ADAMTS17: variants seen among roughly 807,000 people sequenced by gnomAD.
ADAMTS17 encodes A disintegrin and metalloproteinase with thrombospondin motifs 17.
A neutral mutation model predicts 141.5 loss-of-function variants in ADAMTS17; 113 were observed. The observed-to-expected ratio is 0.80, with a 90% confidence interval of 0.69 to 0.93. ADAMTS17 has a LOEUF of 0.93. ADAMTS17 is among the 40% of genes least tolerant of loss of function. ADAMTS17 has a pLI of 0.00. For missense variants in ADAMTS17, 1,659 were observed against 1,517.9 expected (o/e 1.09, Z -1.54); for synonymous variants, 768 against 630.6 (o/e 1.22, Z -3.27).
intron 13 of ADAMTS17, among the ~76,000 whole-genome samples, chr15:100,115,138 C>T (rs897751017): frequency 6.6e-6 from 1 of 152,130 alleles, no homozygotes; most frequent in Non-Finnish European, 1.5e-5. Context: ...GCTGAAGGTT[C>T]GGATTCAAGG....
rs769151781 is a variant in ADAMTS17 at position 100,048,953 on chromosome 15, T to C, written c.2495A>G (p.Asn832Ser). The change falls in exon 18 of 22, where the codon AAC becomes AGC. Residue 832 changes from asparagine to serine, a missense_variant. Asn to Ser is a conservative substitution (Grantham distance 46). Coordinates refer to ENST00000268070, the MANE Select transcript of ADAMTS17 (RefSeq NM_139057.4). ...RTIVSCTRIV[N>S]KTTTLVNDSD... Reference sequence around the variant, plus strand: ...GTCGTTCACCAGAGTTGTGGTCTTGTTGACAATCCGTGTACACGAGACGAT... The same window carrying C: ...GTCGTTCACCAGAGTTGTGGTCTTGCTGACAATCCGTGTACACGAGACGAT... 4.3e-6 allele frequency: 7 copies of C among 1,614,152 alleles called. No homozygotes were observed. Among genetic ancestry groups the C allele is most frequent in the Non-Finnish European group, 5.1e-6 (6 of 1,180,024 alleles).
At chr15:100,136,732 T>C (rs1485630043) in intron 10 of ADAMTS17, among the ~76,000 whole-genome samples, 1 of 152,218 alleles carries the variant, frequency 6.6e-6, no homozygotes, top group Non-Finnish European at 1.5e-5. Context: ...GGCATTTGAA[T>C]ATAAATTCAA....
At chr15:100,120,928 C>T (rs936891787) in intron 12 of ADAMTS17, among the ~76,000 whole-genome samples, 21 of 152,120 alleles carry the variant, frequency 1.4e-4, no homozygotes, top group African/African-American at 4.3e-4. Flanking sequence ...TACTTTAAAA[C>T]GACTGTCTTA....
chr15:100,243,347 T>G (rs1215513119), intron 7 of ADAMTS17, among the ~76,000 whole-genome samples: 1 of 152,340 alleles, frequency 6.6e-6, no homozygotes, highest in East Asian at 1.9e-4. Flanking sequence ...TATCAAGAAG[T>G]AGAGTTCCTG....
intron 8 of ADAMTS17, among the ~76,000 whole-genome samples, chr15:100,182,885 C>T (rs1324151222): frequency 2.6e-5 from 4 of 152,242 alleles, no homozygotes; most frequent in African/African-American, 9.6e-5. Flanking sequence ...CTTCTTGAAT[C>T]TGCAGGCATA....
Position 100,152,688 on chromosome 15 carries a change from G to A in ADAMTS17, c.1397C>T (p.Pro466Leu), listed in dbSNP as rs144488545. 57 of 1,614,208 alleles carry A rather than the reference G, an allele frequency of 3.5e-5. No homozygotes were observed. Among genetic ancestry groups the A allele is most frequent in the African/African-American group, 8.0e-5 (6 of 75,058 alleles). Residue 466 changes from proline (P) to leucine (L), a missense_variant, in exon 10 of 22, where the codon CCG becomes CTG. By Grantham distance (98) the Pro-to-Leu change is moderately conservative. Coordinates refer to ENST00000268070, the MANE Select transcript of ADAMTS17 (RefSeq NM_139057.4). ...QHTVRLPHKL[P>L]GMHYSANEQC... ...CTCGTTGGCACTGTAGTGCATGCCC[G>A]GCAGCTTGTGCGGGAGGCGTACTGT...
chr15:100,136,203 G>A (rs972136873), intron 10 of ADAMTS17, among the ~76,000 whole-genome samples: 6 of 152,200 alleles, frequency 3.9e-5, no homozygotes, highest in Non-Finnish European at 8.8e-5. Flanking sequence ...ACAGATGAAT[G>A]CTGGTATATT....
intron 8 of ADAMTS17, among the ~76,000 whole-genome samples, chr15:100,198,734 C>A (rs1056922308): frequency 6.6e-6 from 1 of 152,212 alleles, no homozygotes; most frequent in Non-Finnish European, 1.5e-5. Flanking sequence ...CACTCAACAA[C>A]CCCTCTGACG....
At chr15:100,065,899 G>A (rs1486483276) in intron 15 of ADAMTS17, among the ~76,000 whole-genome samples, 1 of 152,106 alleles carries the variant, frequency 6.6e-6, no homozygotes, top group African/African-American at 2.4e-5. Context: ...AGGCTGGGGG[G>A]TGTATGTGAT....
chr15:100,103,973 C>A (rs1488552508), intron 14 of ADAMTS17, among the ~76,000 whole-genome samples: 3 of 152,148 alleles, frequency 2.0e-5, no homozygotes, highest in Non-Finnish European at 4.4e-5. Context: ...AGGTCACAGG[C>A]CCTGAAGGTG....
At chr15:100,214,381 GTAT>G (rs1304798443) in intron 7 of ADAMTS17, among the ~76,000 whole-genome samples, 3 of 152,174 alleles carry the variant, frequency 2.0e-5, no homozygotes, top group Non-Finnish European at 2.9e-5. Context: ...GAATGAGCTT[GTAT>G]TATAACATTA....
At position 100,251,976 on chromosome 15, in the gene ADAMTS17, A is replaced by C. The variant is rs2043169842; in HGVS notation, c.1075+2160T>G. On this transcript the variant is annotated intron_variant, in intron 7 of 21. Transcript: ENST00000268070. ...CCAGCCTCCGGATCTGTGAGACAAC[A>C]CATTTCTGTTGTTAAAGCCACTCAG... is the stretch of plus-strand genomic sequence containing the variant. Among the ~76,000 whole-genome samples the C allele has an allele frequency of 3.3e-5, 5 of 152,270 alleles. No individual in the cohort carries two copies. In the South Asian group the frequency reaches 1.0e-3, roughly 32 times the overall value.
At chr15:100,101,988 C>T (rs1176768077) in intron 14 of ADAMTS17, among the ~76,000 whole-genome samples, 1 of 152,170 alleles carries the variant, frequency 6.6e-6, no homozygotes, top group African/African-American at 2.4e-5. Context: ...TGCCCATCTT[C>T]CTCTTTCTTG....
At chr15:100,281,183 G>C (rs747764605) in intron 4 of ADAMTS17, 46 bp downstream of exon 4, 1 of 1,598,220 alleles carries the variant, frequency 6.3e-7, no homozygotes, top group African/African-American at 1.3e-5. Flanking sequence ...CTCTCATCAA[G>C]GAGAAAACAG....
chr15:100,285,095 G>A (rs1305432293), intron 3 of ADAMTS17, among the ~76,000 whole-genome samples: 1 of 152,228 alleles, frequency 6.6e-6, no homozygotes, highest in Non-Finnish European at 1.5e-5. Flanking sequence ...CCTTGCTGGA[G>A]GTGGTACTGA....
At chr15:100,110,603 T>C (rs1023804287) in intron 13 of ADAMTS17, among the ~76,000 whole-genome samples, 3 of 152,086 alleles carry the variant, frequency 2.0e-5, no homozygotes, top group Non-Finnish European at 4.4e-5. Flanking sequence ...GTTGAATAGA[T>C]TTTGTTCTTC....
At chr15:100,219,472 A>C (rs2042066205) in intron 7 of ADAMTS17, among the ~76,000 whole-genome samples, 1 of 152,184 alleles carries the variant, frequency 6.6e-6, no homozygotes. Flanking sequence ...AAGAACACTG[A>C]AGAACTTAAA....
chr15:100,281,529 AC>A, intron 3 of ADAMTS17, 128 bp from the exon 4 acceptor site: 1 of 1,234,730 alleles, frequency 8.1e-7, no homozygotes, highest in Non-Finnish European at 1.1e-6. Flanking sequence ...GGGGCCCAGC[AC>A]CCAGCAATCT....
intron 7 of ADAMTS17, among the ~76,000 whole-genome samples, chr15:100,245,585 T>C (rs12148837): frequency 6.6e-6 from 1 of 152,222 alleles, no homozygotes; most frequent in Non-Finnish European, 1.5e-5. Flanking sequence ...TCAGCCATTA[T>C]GTAACCTTAG....
Sources: gnomAD v4.1 joint callset for allele counts (sites outside exome capture counted in the v4.1 genomes callset) on GRCh38, gnomAD v4.1.1 for gene constraint, MANE v1.5 for transcripts, NCBI Gene and HGNC (gene_info 2026-07-23, HGNC 2026-07-21) for gene names.